Variants in LAMA4 observed in about 807,000 individuals in gnomAD.
LAMA4 encodes laminin subunit alpha-4.
In LAMA4, 127 loss-of-function variants were observed where a neutral mutation model predicts 207.1. The ratio of observed to expected loss-of-function variants is 0.61; its 90% CI spans 0.53 to 0.71. The LOEUF is 0.71. Ranked by LOEUF, LAMA4 falls within the 30% of genes least tolerant of loss-of-function variation. LAMA4 has a pLI of 0.00. For missense variants in LAMA4, 2,093 were observed against 2,246.5 expected (o/e 0.93, Z 1.38); for synonymous variants, 761 against 816.0 (o/e 0.93, Z 1.15).
chr6:112,165,304 G>T (rs1554339641), intron 12 of LAMA4, 28 bp from the exon 13 acceptor site: 4 of 1,403,408 alleles, frequency 2.9e-6, no homozygotes, highest in Non-Finnish European at 4.0e-6. Flanking sequence ...AAGGGAGAGT[G>T]AAGTGAATAT....
chr6:112,180,702 G>T (rs1426112679), intron 9 of LAMA4, among the ~76,000 whole-genome samples: 1 of 151,972 alleles, frequency 6.6e-6, no homozygotes, highest in East Asian at 1.9e-4. Flanking sequence ...CAATATCTAG[G>T]GTGATCATAT....
At chr6:112,243,549 C>G (rs1218546620) in intron 2 of LAMA4, among the ~76,000 whole-genome samples, 1 of 151,988 alleles carries the variant, frequency 6.6e-6, no homozygotes, top group Non-Finnish European at 1.5e-5. Context: ...GGTTTCTTTA[C>G]CTGGCAAGGG....
In LAMA4 at chr6:112,187,614, C is replaced by T. The variant is rs372004668; in HGVS notation, c.815-13G>A. 41 of 1,612,908 alleles carry T rather than the reference C, an allele frequency of 2.5e-5. No individual in the cohort carries two copies. The highest frequency in any genetic ancestry group is 3.3e-5 in the Admixed American group (2 of 59,874). ...CACTTATCACAGCCTGGAGGTGAAA[C>T]ATTTCTTCAGAATCACAAGTCAAAA... On this transcript the variant is annotated splice_polypyrimidine_tract_variant and intron_variant, in intron 7 of 38. Coordinates refer to ENST00000230538, the MANE Select transcript of LAMA4 (RefSeq NM_001105206.3).
At chr6:112,251,186 A>G (rs1375169630) in intron 2 of LAMA4, 2 of 152,190 alleles carry the variant, frequency 1.3e-5, no homozygotes, top group African/African-American at 4.8e-5. Flanking sequence ...TCTGGGGGGA[A>G]GCTTTGGCTT....
At chr6:112,143,448 C>A (rs1246468433) in intron 19 of LAMA4, among the ~76,000 whole-genome samples, 1 of 152,114 alleles carries the variant, frequency 6.6e-6, no homozygotes, top group Non-Finnish European at 1.5e-5. Context: ...CCACGCCCAG[C>A]CAATTTTTGT....
rs1554334138 is a variant in LAMA4, at chr6:112,144,859, T to C, written c.2428A>G (p.Asn810Asp). The C allele has an allele frequency of 1.2e-6, 2 of 1,613,936 alleles. No individual in the cohort carries two copies. The highest frequency in any genetic ancestry group is 2.7e-5 in the African/African-American group (2 of 74,944). The change falls in exon 19 of 39, where the codon AAC becomes GAC. Residue 810 changes from asparagine to aspartate, a missense_variant. Coordinates refer to ENST00000230538, the MANE Select transcript of LAMA4 (RefSeq NM_001105206.3). Reference sequence around the variant, plus strand: ...ATCCTCTGGATGCTGGCAGAAACGTTGCTTGCAGGTCGCTTCTGCTCAACC... The same window carrying C: ...ATCCTCTGGATGCTGGCAGAAACGTCGCTTGCAGGTCGCTTCTGCTCAACC... ...RTVEQKRPAS[N>D]VSASIQRIRE...
Position 112,225,366 on chromosome 6 carries a change from A to G in LAMA4, c.196-8897T>C, listed in dbSNP as rs1211532878. The stretch of plus-strand genomic sequence containing the variant: ...GATAAAGAATATATAACATAAAAAG[A>G]AAAGGTAATGGGCTAACACTTTTAA... On this transcript the variant is annotated intron_variant, in intron 2 of 38. Transcript: ENST00000230538. Among the ~76,000 whole-genome samples the G allele has an allele frequency of 5.9e-5, 9 of 152,242 alleles. 1 individual carries two copies. The highest frequency in any genetic ancestry group is 1.0e-4 in the Non-Finnish European group (7 of 68,044).
At chr6:112,228,684 C>T (rs1404016126) in intron 2 of LAMA4, among the ~76,000 whole-genome samples, 4 of 152,192 alleles carry the variant, frequency 2.6e-5, no homozygotes, top group Non-Finnish European at 4.4e-5. Context: ...GGGAGCTTGC[C>T]GGCGGGAGCT....
At position 112,110,345 on chromosome 6, in the gene LAMA4, T is replaced by G. The variant is rs75989462; in HGVS notation, c.5327-763A>C. 6.1e-3 allele frequency among the ~76,000 whole-genome samples: 930 copies of G among 152,350 alleles called. 10 individuals are homozygous for G. Among genetic ancestry groups the G allele is most frequent in the African/African-American group, 0.021 (882 of 41,586 alleles). On this transcript the variant is annotated intron_variant, in intron 38 of 38. Coordinates refer to ENST00000230538, the MANE Select transcript of LAMA4 (RefSeq NM_001105206.3). ...AATTAAAATCCATTTAGCCAAAGCT[T>G]ATTATTATTTACAAACAGCTATGTG...
Position 112,190,955 on chromosome 6 carries a change from T to TC in LAMA4, c.718+680dup, listed in dbSNP as rs782667230. On this transcript the variant is annotated intron_variant, in intron 6 of 38. Coordinates refer to ENST00000230538, the MANE Select transcript of LAMA4 (RefSeq NM_001105206.3). ...TCTTTCTTTCTTTCTTTCCTTTCTT[T>TC]CTTTCTTTCTTTCTTTCTTTCTTTC... Among the ~76,000 whole-genome samples the TC allele has an allele frequency of 2.0e-3, 244 of 122,492 alleles. 1 individual carries two copies. Among genetic ancestry groups the TC allele is most frequent in the African/African-American group, 6.1e-3 (201 of 33,026 alleles). The allele number at this position is 122,492 out of a possible 152,430, so 80.4% of individuals were successfully genotyped here.
chr6:112,139,838 C>A lies in LAMA4; in HGVS notation c.3024G>T (p.Leu1008=), dbSNP rs1554332632. ...TGATCACATCATTATTCAAAGTGGC[C>A]AGTTCCAGGCAGCCAACAAAGCCAG... is the stretch of plus-strand genomic sequence containing the variant. The part of the protein sequence containing the change: ...NLPGFVGCLE[L]ATLNNDVISL... Residue 1008 remains leucine, a synonymous_variant, in exon 23 of 39, where the codon CTG becomes CTT. Coordinates refer to ENST00000230538, the MANE Select transcript of LAMA4 (RefSeq NM_001105206.3). 1.2e-6 allele frequency: 2 copies of A among 1,614,010 alleles called. No homozygotes were observed. Among genetic ancestry groups the A allele is most frequent in the Non-Finnish European group, 8.5e-7 (1 of 1,179,964 alleles).
At position 112,131,078 on chromosome 6, in the gene LAMA4, C is replaced by G. The variant is rs1554329627; in HGVS notation, c.3858G>C (p.Leu1286=). The change falls in exon 29 of 39, where the codon CTG becomes CTC. Residue 1286 remains leucine (L), a synonymous_variant. Coordinates refer to ENST00000230538, the MANE Select transcript of LAMA4 (RefSeq NM_001105206.3). The part of the protein sequence containing the change: ...ASGSDVFSIS[L]DNGTVIMDVK... ...CATCCATGATGACAGTACCATTATC[C>G]AGTGAGATGGAGAACACGTCTGACT... 6.2e-7 allele frequency: 1 copy of G among 1,613,054 alleles called. No homozygotes were observed. Among genetic ancestry groups the G allele is most frequent in the African/African-American group, 1.3e-5 (1 of 74,950 alleles).
chr6:112,184,021 C>T (rs1271360180), intron 9 of LAMA4, among the ~76,000 whole-genome samples: 1 of 148,210 alleles, frequency 6.7e-6, no homozygotes, highest in African/African-American at 2.5e-5. Context: ...CTGATACCAA[C>T]ATGAAGTAAC....
At chr6:112,201,468 G>A (rs1783741958) in intron 5 of LAMA4, 140 bp downstream of exon 5, 2 of 802,352 alleles carry the variant, frequency 2.5e-6, no homozygotes, top group Admixed American at 1.8e-5. Flanking sequence ...TCCCTAAGGG[G>A]TTTTGAAATG....
intron 2 of LAMA4, among the ~76,000 whole-genome samples, chr6:112,248,028 G>A (rs118079477): frequency 0.011 from 1,649 of 152,316 alleles, 14 homozygotes; most frequent in Non-Finnish European, 0.016. Context: ...AGTATTTAGA[G>A]TAGTTAAATT....
chr6:112,120,460 G>A lies in LAMA4; in HGVS notation c.4488C>T (p.Ser1496=). The A allele has an allele frequency of 6.2e-7, 1 of 1,612,536 alleles. No individual in the cohort carries two copies. The highest frequency in any genetic ancestry group is 1.1e-5 in the South Asian group (1 of 91,046). Residue 1496 remains serine, a synonymous_variant, in exon 33 of 39, where the codon TCC becomes TCT. Coordinates refer to ENST00000230538, the MANE Select transcript of LAMA4 (RefSeq NM_001105206.3). Reference sequence around the variant, plus strand: ...GGGAGGAACGAGTTCTCAGACGAATGGAAAACTGAGATCTGGTAAATGAAA... The same window carrying A: ...GGGAGGAACGAGTTCTCAGACGAATAGAAAACTGAGATCTGGTAAATGAAA... ...KGDFGAKSQF[S]IRLRTRSSHG... is the part of the protein sequence containing the mutation.
chr6:112,149,806 C>G (rs1355210352), intron 17 of LAMA4, among the ~76,000 whole-genome samples: 1 of 152,178 alleles, frequency 6.6e-6, no homozygotes, highest in East Asian at 1.9e-4. Flanking sequence ...TGAAGGACCA[C>G]TCTCCTGGCC....
chr6:112,186,196 T>C (rs1417263451), intron 8 of LAMA4, among the ~76,000 whole-genome samples: 3 of 152,204 alleles, frequency 2.0e-5, no homozygotes, highest in African/African-American at 4.8e-5. Flanking sequence ...TCTGTACATA[T>C]ATCAATTCAC....
chr6:112,243,294 C>T (rs1786660162), intron 2 of LAMA4, among the ~76,000 whole-genome samples: 1 of 152,182 alleles, frequency 6.6e-6, no homozygotes. Flanking sequence ...CCCCCTACCA[C>T]AGGCCAGGGC....
Sources: gnomAD v4.1 joint callset for allele counts (sites outside exome capture counted in the v4.1 genomes callset) on GRCh38, gnomAD v4.1.1 for gene constraint, MANE v1.5 for transcripts, NCBI Gene and HGNC (gene_info 2026-07-23, HGNC 2026-07-21) for gene names.